C1orf50: variants seen among roughly 807,000 people sequenced by gnomAD.
C1orf50 encodes the protein uncharacterized protein C1orf50.
Under a neutral mutation model 23.3 loss-of-function variants are expected in C1orf50, and 22 were observed. The observed-to-expected ratio is 0.94, with a 90% CI of 0.67 to 1.35. C1orf50 has a LOEUF of 1.35. Among genes scored for constraint, C1orf50 ranks in the 40% most tolerant of loss-of-function variants. C1orf50 has a pLI of 0.00. For missense variants in C1orf50, 271 were observed against 249.4 expected (o/e 1.09, Z -0.58); for synonymous variants, 96 against 102.4 (o/e 0.94, Z 0.38).
rs1333252935 is a variant in C1orf50 at position 42,773,601 on chromosome 1, GA to G, written c.235del (p.Thr79GlnfsTer3). Reference protein sequence around the residue: ...FIRANATNKLTVIAEQIQHLQ... With the variant: ...FIRANATNKLXVIAEQIQHLQ... ...TCCGAGCAAATGCCACCAACAAGCT[GA>G]CAGTCATAGCTGAGCAAATCCAACA... On this transcript the variant is annotated frameshift_variant, in exon 3 of 5. Coordinates refer to ENST00000372525, the MANE Select transcript of C1orf50 (RefSeq NM_024097.4). LOFTEE classifies it high-confidence loss of function. The G allele has an allele frequency of 3.7e-6, 6 of 1,613,188 alleles. No individual in the cohort carries two copies. The highest frequency in any genetic ancestry group is 5.1e-6 in the Non-Finnish European group (6 of 1,179,322).
intron 2 of C1orf50, among the ~76,000 whole-genome samples, chr1:42,770,684 G>A (rs1281381835): frequency 6.6e-6 from 1 of 152,118 alleles, no homozygotes; most frequent in Non-Finnish European, 1.5e-5. Context: ...CATCCGCTAC[G>A]GCCTCCCAAA....
chr1:42,771,084 AAATG>A (rs1451020516), intron 2 of C1orf50, among the ~76,000 whole-genome samples: 1 of 152,234 alleles, frequency 6.6e-6, no homozygotes, highest in Non-Finnish European at 1.5e-5. Flanking sequence ...AACTTCATAA[AAATG>A]AAGTAGCTTT....
At chr1:42,767,759 C>G in intron 2 of C1orf50, 135 bp downstream of exon 2, 1 of 780,628 alleles carries the variant, frequency 1.3e-6, no homozygotes. Flanking sequence ...ACGAGTAAAG[C>G]CGACTGTCAT....
In C1orf50 at chr1:42,767,324, G is replaced by T; in HGVS notation, c.13G>T (p.Ala5Ser). ...ATAAGGCGCTGTCATGGAGGACGCC[G>T]CCGCGCCGGGGCGGACCGAGGGGGT... is the stretch of plus-strand genomic sequence containing the variant. MEDA[A>S]APGRTEGVLE... The change falls in exon 1 of 5, where the codon GCC (alanine) becomes TCC (serine). Residue 5 changes from alanine to serine, a missense_variant. Coordinates refer to ENST00000372525, the MANE Select transcript of C1orf50 (RefSeq NM_024097.4). The T allele has an allele frequency of 6.6e-7, 1 of 1,518,088 alleles. No homozygotes were observed. The highest frequency in any genetic ancestry group is 8.8e-7 in the Non-Finnish European group (1 of 1,138,450). 94.0% of individuals were successfully genotyped at this position (1,518,088 alleles called of 1,614,324 possible).
At chr1:42,773,412 C>T (rs993046416) in intron 2 of C1orf50, 151 bp from the exon 3 acceptor site, 16 of 532,152 alleles carry the variant, frequency 3.0e-5, no homozygotes, top group African/African-American at 1.2e-4. Flanking sequence ...AGTGGGGCCT[C>T]GGATGAGTGG....
Position 42,775,505 on chromosome 1 carries a change from A to G in C1orf50, c.*111A>G. 4.4e-6 allele frequency: 4 copies of G among 919,124 alleles called. No homozygotes were observed. Among genetic ancestry groups the G allele is most frequent in the Admixed American group, 2.6e-5 (1 of 38,590 alleles). The allele number at this position is 919,124 out of a possible 1,614,324, so 56.9% of individuals were successfully genotyped here. On this transcript the variant is annotated 3_prime_UTR_variant, in exon 5 of 5. Coordinates refer to ENST00000372525, the MANE Select transcript of C1orf50 (RefSeq NM_024097.4). The stretch of plus-strand genomic sequence containing the variant: ...GTAGGTGACTCACAAACTTCTTGGA[A>G]AGAGACCCTGTGTGAATGTAAATGC...
chr1:42,767,475 G>A, intron 1 of C1orf50, 34 bp from the exon 2 acceptor site: 1 of 1,556,948 alleles, frequency 6.4e-7, no homozygotes, highest in South Asian at 1.2e-5. Flanking sequence ...GACGGCGGGA[G>A]CTCACGGCTT....
chr1:42,767,538 G>T lies in C1orf50; in HGVS notation c.109G>T (p.Gly37Cys), dbSNP rs750352113. 12 of 1,598,354 alleles carry T rather than the reference G, an allele frequency of 7.5e-6. No individual in the cohort carries two copies. In the South Asian group the frequency reaches 1.4e-4, roughly 18 times the overall value. Residue 37 changes from glycine (G) to cysteine (C), a missense_variant, in exon 2 of 5, where the codon GGC (glycine) becomes TGC (cysteine). Physicochemically the swap from Gly to Cys is radical, Grantham distance 159. Transcript: ENST00000372525. ...GALVELTPTP[G>C]GLALVSPYHT... is the part of the protein sequence containing the mutation. ...CCTGGTGGAGCTCACCCCGACCCCC[G>T]GCGGCCTGGCCCTGGTGAGCCCCTA... is the stretch of plus-strand genomic sequence containing the variant.
In C1orf50 at chr1:42,767,343, AG is replaced by A; in HGVS notation, c.37del (p.Val13SerfsTer30). On this transcript the variant is annotated frameshift_variant, in exon 1 of 5. Transcript: ENST00000372525. LOFTEE classifies it high-confidence loss of function. MEDAAAPGRT[E>X]GVLERQGAPP... ...GACGCCGCCGCGCCGGGGCGGACCGAGGGGGTCCTTGAAAGGCAAGGAGCGC... is the reference window on the plus strand; with the variant it reads ...GACGCCGCCGCGCCGGGGCGGACCGAGGGGTCCTTGAAAGGCAAGGAGCGC... 6.5e-7 allele frequency: 1 copy of A among 1,535,668 alleles called. No individual in the cohort carries two copies. Among genetic ancestry groups the A allele is most frequent in the Non-Finnish European group, 8.7e-7 (1 of 1,145,928 alleles).
At position 42,779,147 on chromosome 1, in the gene C1orf50, G is replaced by A. The variant is rs1021540873; in HGVS notation, c.*3753G>A. 2 of 152,168 alleles carry A rather than the reference G, an allele frequency of 1.3e-5. No individual in the cohort carries two copies. Among genetic ancestry groups the A allele is most frequent in the African/African-American group, 4.8e-5 (2 of 41,440 alleles). The allele number at this position is 152,168 out of a possible 1,614,324, so 9.4% of individuals were successfully genotyped here. On this transcript the variant is annotated 3_prime_UTR_variant, in exon 5 of 5. Coordinates refer to ENST00000372525, the MANE Select transcript of C1orf50 (RefSeq NM_024097.4). ...AATCCCAGCACTTTGGGCGGCTGAG[G>A]CGGGCGGATCACGAGGTCAGGAGAT...
chr1:42,772,478 A>T lies in C1orf50; in HGVS notation c.196-1085A>T, dbSNP rs549847547. Among the ~76,000 whole-genome samples the T allele has an allele frequency of 2.6e-5, 4 of 152,286 alleles. 1 individual carries two copies. The highest frequency in any genetic ancestry group is 9.6e-5 in the African/African-American group (4 of 41,556). On this transcript the variant is annotated intron_variant, in intron 2 of 4. Coordinates refer to ENST00000372525, the MANE Select transcript of C1orf50 (RefSeq NM_024097.4). ...AGTCTCTCCTAGCTTTGAGAATTTG[A>T]TCTATTTTAAGAAATGTCCTGGCTG...
intron 4 of C1orf50, 32 bp from the exon 5 acceptor site, chr1:42,775,177 C>T: frequency 6.4e-6 from 10 of 1,567,080 alleles, no homozygotes; most frequent in Non-Finnish European, 8.8e-6. Flanking sequence ...ACAACCCACG[C>T]TGATGGGAAC....
At position 42,776,344 on chromosome 1, in the gene C1orf50, G is replaced by C. The variant is rs745481077; in HGVS notation, c.*950G>C. ...ACAGGGTTTTGGCAAAATTACTGTA[G>C]TTCTTATTCTGACTAGGCTCTTGTA... On this transcript the variant is annotated 3_prime_UTR_variant, in exon 5 of 5. Coordinates refer to ENST00000372525, the MANE Select transcript of C1orf50 (RefSeq NM_024097.4). 1 of 152,194 alleles carries C rather than the reference G, an allele frequency of 6.6e-6. No individual in the cohort carries two copies. The highest frequency in any genetic ancestry group is 1.5e-5 in the Non-Finnish European group (1 of 68,030). The allele number at this position is 152,194 out of a possible 1,614,324, so 9.4% of individuals were successfully genotyped here.
At chr1:42,768,127 T>C (rs1029154655) in intron 2 of C1orf50, among the ~76,000 whole-genome samples, 3 of 152,108 alleles carry the variant, frequency 2.0e-5, no homozygotes. Context: ...CCAAAATAAG[T>C]CAAATAAGGA....
chr1:42,775,445 G>T lies in C1orf50; in HGVS notation c.*51G>T, dbSNP rs372333627. On this transcript the variant is annotated 3_prime_UTR_variant, in exon 5 of 5. Transcript: ENST00000372525. ...ACAGGACCTGGCTGTCAACCTCCTT[G>T]TTGCCCCCACTGTTGCCTTGAGAAT... 1.1e-5 allele frequency: 16 copies of T among 1,491,210 alleles called. No individual in the cohort carries two copies. In the African/African-American group the frequency reaches 1.9e-4, roughly 18 times the overall value. The allele number at this position is 1,491,210 out of a possible 1,614,324, so 92.4% of individuals were successfully genotyped here. A position where few individuals can be genotyped will look rare whatever the true frequency, so the allele number is the denominator to read the frequency against.
At chr1:42,769,452 G>A (rs1002894910) in intron 2 of C1orf50, among the ~76,000 whole-genome samples, 4 of 151,122 alleles carry the variant, frequency 2.6e-5, no homozygotes, top group Admixed American at 6.6e-5. Flanking sequence ...AGGCTGAGGC[G>A]GGAGAACTGC....
chr1:42,773,643 CAGGAAGGTA>C lies in C1orf50; in HGVS notation c.282_282+8del. The C allele has an allele frequency of 6.2e-7, 1 of 1,608,404 alleles. No homozygotes were observed. Among genetic ancestry groups the C allele is most frequent in the Non-Finnish European group, 8.5e-7 (1 of 1,175,252 alleles). Reference sequence around the variant, plus strand: ...AAATCCAACATTTGCAAGAACAAGCCAGGAAGGTAAGGAATGACTGTTAGACAGGCTTTC... The same window carrying C: ...AAATCCAACATTTGCAAGAACAAGCCAGGAATGACTGTTAGACAGGCTTTC... On this transcript the variant is annotated splice_donor_variant and splice_donor_region_variant and coding_sequence_variant and intron_variant, in exon 3 of 5. Coordinates refer to ENST00000372525, the MANE Select transcript of C1orf50 (RefSeq NM_024097.4). LOFTEE classifies it high-confidence loss of function.
intron 2 of C1orf50, among the ~76,000 whole-genome samples, chr1:42,768,337 C>G (rs1027936803): frequency 6.6e-6 from 1 of 152,212 alleles, no homozygotes; most frequent in African/African-American, 2.4e-5. Context: ...AAACCAGATT[C>G]CTTCTTATCT....
intron 4 of C1orf50, 135 bp downstream of exon 4, chr1:42,775,003 C>T (rs976428518): frequency 1.7e-6 from 2 of 1,171,194 alleles, no homozygotes; most frequent in Non-Finnish European, 2.4e-6. Flanking sequence ...CCAGACATGA[C>T]TCTAAAAAAT....
Sources: allele counts gnomAD v4.1 joint callset (sites outside exome capture counted in the v4.1 genomes callset), GRCh38; gene constraint gnomAD v4.1.1; transcripts MANE v1.5; gene names NCBI Gene and HGNC (gene_info 2026-07-23, HGNC 2026-07-21).